The following LOC112694756 variants were observed in gnomAD, a reference collection of about 807,000 sequenced individuals.
chr16:30,063,251 C>A, the LOC112694756 span, among the ~76,000 whole-genome samples: 29 of 152,212 alleles, frequency 1.9e-4, no homozygotes, highest in Admixed American at 9.8e-4. Flanking sequence ...AGTAGATGCT[C>A]AAAAATGGTG....
chr16:30,069,607 T>C, the LOC112694756 span: 2 of 1,613,968 alleles, frequency 1.2e-6, no homozygotes, highest in Non-Finnish European at 1.7e-6. Flanking sequence ...TCAGAAGTTT[T>C]CTCATGAGGA....
the LOC112694756 span, among the ~76,000 whole-genome samples, chr16:30,060,371 G>A: frequency 6.6e-6 from 1 of 152,046 alleles, no homozygotes; most frequent in African/African-American, 2.4e-5. Context: ...TGACTCTAGG[G>A]CCTGAGCTTT....
At chr16:30,064,442 AT>A in the LOC112694756 span, 1 of 398,462 alleles carries the variant, frequency 2.5e-6, no homozygotes, top group Non-Finnish European at 4.4e-6. Flanking sequence ...CCAAAGATTT[AT>A]TTCTCTTGAC....
the LOC112694756 span, chr16:30,069,854 A>G: frequency 6.2e-7 from 1 of 1,614,038 alleles, no homozygotes; most frequent in Non-Finnish European, 8.5e-7. Context: ...TCTGGAGGCC[A>G]GAGTGAGGAG....
At chr16:30,067,429 AT>A in the LOC112694756 span, 1 of 1,613,404 alleles carries the variant, frequency 6.2e-7, no homozygotes, top group Non-Finnish European at 8.5e-7. Flanking sequence ...TGATCCCCTA[AT>A]TCCCATGTGA....
the LOC112694756 span, among the ~76,000 whole-genome samples, chr16:30,056,400 G>C: frequency 6.6e-6 from 1 of 152,042 alleles, no homozygotes; most frequent in Admixed American, 6.6e-5. Flanking sequence ...ATTACAAAAA[G>C]TATTATTTAC....
the LOC112694756 span, chr16:30,064,431 G>A: frequency 2.5e-6 from 1 of 398,670 alleles, no homozygotes; most frequent in East Asian, 3.6e-5. Context: ...CAGGTCCCTG[G>A]CCAAAGATTT....
At chr16:30,069,448 C>T in the LOC112694756 span, 1 of 1,613,972 alleles carries the variant, frequency 6.2e-7, no homozygotes, top group Non-Finnish European at 8.5e-7. Context: ...TGGGGCTAAC[C>T]CCTATCCTCT....
chr16:30,057,382 A>G, the LOC112694756 span, among the ~76,000 whole-genome samples: 3 of 152,190 alleles, frequency 2.0e-5, no homozygotes, highest in Non-Finnish European at 4.4e-5. Context: ...AAATAGCTCC[A>G]CAGCGTTAGC....
chr16:30,069,634 G>A, the LOC112694756 span: 403 of 1,613,804 alleles, frequency 2.5e-4, 2 homozygotes, highest in South Asian at 7.4e-4. Context: ...CATGGCGACC[G>A]TCACAGCGCT....
At chr16:30,067,889 T>C in the LOC112694756 span, 11 of 597,394 alleles carry the variant, frequency 1.8e-5, no homozygotes, top group South Asian at 2.1e-4. Context: ...GTGAAGTGTT[T>C]TGCTCAGAGT....
chr16:30,063,891 T>C, the LOC112694756 span: 1 of 399,066 alleles, frequency 2.5e-6, no homozygotes, highest in Non-Finnish European at 4.4e-6. Context: ...CCAGGGCCCA[T>C]GTGCCCTCCT....
At chr16:30,068,403 T>C in the LOC112694756 span, 41,048 of 565,668 alleles carry the variant, frequency 0.073, 2,167 homozygotes, top group African/African-American at 0.19. Flanking sequence ...AGTGAAAATA[T>C]TTGCCAGCCC....
At chr16:30,063,471 G>C in the LOC112694756 span, among the ~76,000 whole-genome samples, 9 of 152,006 alleles carry the variant, frequency 5.9e-5, no homozygotes, top group Admixed American at 5.2e-4. Context: ...CTGGTCCTCA[G>C]TCTCCTCACC....
At chr16:30,069,789 T>C in the LOC112694756 span, 1 of 1,613,078 alleles carries the variant, frequency 6.2e-7, no homozygotes, top group South Asian at 1.1e-5. Flanking sequence ...GCTTCCTGGG[T>C]CTCTGACCAC....
the LOC112694756 span, chr16:30,069,863 A>T: frequency 6.2e-7 from 1 of 1,614,116 alleles, no homozygotes; most frequent in Non-Finnish European, 8.5e-7. Context: ...CAGAGTGAGG[A>T]GGAGGCGTCC....
the LOC112694756 span, chr16:30,054,972 G>A: frequency 2.5e-6 from 1 of 398,676 alleles, no homozygotes; most frequent in African/African-American, 2.1e-5. Flanking sequence ...TGGGGAAGAG[G>A]AATCCCGGTA....
chr16:30,059,235 T>C, the LOC112694756 span, among the ~76,000 whole-genome samples: 12 of 151,944 alleles, frequency 7.9e-5, no homozygotes, highest in Admixed American at 2.6e-4. Flanking sequence ...CGGTGGCTCA[T>C]GCCTGTAATC....
the LOC112694756 span, chr16:30,066,900 G>C: frequency 1.3e-6 from 2 of 1,549,846 alleles, no homozygotes; most frequent in Non-Finnish European, 1.7e-6. Flanking sequence ...GTGACCCCAT[G>C]GCAAGGCGCA....
Sources: allele counts gnomAD v4.1 joint callset (sites outside exome capture counted in the v4.1 genomes callset), GRCh38; gene constraint gnomAD v4.1.1; transcripts MANE v1.5.